CAPZA1: variants seen among roughly 807,000 people sequenced by gnomAD.
CAPZA1 encodes the protein capping actin protein of muscle Z-line subunit alpha 1, also known as F-actin-capping protein subunit alpha-1.
In CAPZA1, 10 loss-of-function variants were observed where a neutral mutation model predicts 40.8. That is an observed-to-expected ratio of 0.25 (90% CI 0.15 to 0.42). The LOEUF is 0.42. CAPZA1 is among the 10% of genes least tolerant of loss of function. The pLI, the probability that CAPZA1 is intolerant of heterozygous loss-of-function variation, is 1.00. For synonymous variants in CAPZA1, 98 were observed against 115.0 expected (o/e 0.85, Z 0.95); for missense variants, 277 against 353.8 (o/e 0.78, Z 1.74).
intron 1 of CAPZA1, among the ~76,000 whole-genome samples, chr1:112,644,646 C>T (rs1026439179): frequency 1.3e-5 from 2 of 151,974 alleles, no homozygotes; most frequent in Admixed American, 6.5e-5. Flanking sequence ...TTAGATATAC[C>T]ATGTTCTTCT....
intron 5 of CAPZA1, among the ~76,000 whole-genome samples, chr1:112,657,726 G>A (rs1237281834): frequency 2.6e-5 from 4 of 151,900 alleles, no homozygotes; most frequent in Admixed American, 2.6e-4. Context: ...CTAGTAGTTG[G>A]GATTACAGGT....
chr1:112,639,739 CT>C (rs933895973), intron 1 of CAPZA1, among the ~76,000 whole-genome samples: 3 of 151,866 alleles, frequency 2.0e-5, no homozygotes, highest in East Asian at 1.9e-4. Flanking sequence ...TGACATGCTC[CT>C]TTTTTTATTA....
chr1:112,644,850 A>G (rs1280083846), intron 1 of CAPZA1, among the ~76,000 whole-genome samples: 2 of 152,224 alleles, frequency 1.3e-5, no homozygotes, highest in African/African-American at 2.4e-5. Flanking sequence ...GGTATTGCCA[A>G]ATGCCAAATA....
intron 1 of CAPZA1, among the ~76,000 whole-genome samples, chr1:112,640,636 G>A (rs1671135433): frequency 6.6e-6 from 1 of 151,884 alleles, no homozygotes; most frequent in Non-Finnish European, 1.5e-5. Flanking sequence ...CGCCCCATCC[G>A]GGACGTGAGG....
chr1:112,634,952 T>C (rs1215674290), intron 1 of CAPZA1, among the ~76,000 whole-genome samples: 1 of 152,200 alleles, frequency 6.6e-6, no homozygotes, highest in Non-Finnish European at 1.5e-5. Flanking sequence ...GAACATTTCC[T>C]TTACATCTTC....
chr1:112,662,395 C>CTTTTTTTTTTTTTTTTTTTTTTTTTTTT (rs35100851), intron 7 of CAPZA1, among the ~76,000 whole-genome samples: 1 of 97,260 alleles, frequency 1.0e-5, no homozygotes, highest in Non-Finnish European at 1.9e-5. Context: ...TAGAATTTTT[C>CTTTTTTTTTTTTTTTTTTTTTTTTTTTT]TTTTTTTTTT....
intron 1 of CAPZA1, among the ~76,000 whole-genome samples, chr1:112,621,613 T>C (rs183307248): frequency 3.3e-5 from 5 of 152,188 alleles, no homozygotes; most frequent in African/African-American, 7.2e-5. Context: ...CTGATACACA[T>C]TGACCAGTGT....
At chr1:112,644,153 TG>T (rs201105047) in intron 1 of CAPZA1, among the ~76,000 whole-genome samples, 8 of 147,950 alleles carry the variant, frequency 5.4e-5, no homozygotes, top group East Asian at 2.0e-4. Flanking sequence ...CCCAAATTGC[TG>T]GGTTTTTTTT....
intron 1 of CAPZA1, among the ~76,000 whole-genome samples, chr1:112,631,811 G>A (rs775477499): frequency 1.1e-4 from 17 of 152,060 alleles, no homozygotes; most frequent in Non-Finnish European, 2.5e-4. Context: ...AACCTTGTGG[G>A]TATTTTTTTA....
At chr1:112,663,460 A>G (rs1174535630) in intron 7 of CAPZA1, among the ~76,000 whole-genome samples, 1 of 152,008 alleles carries the variant, frequency 6.6e-6, no homozygotes, top group East Asian at 1.9e-4. Flanking sequence ...TTTACATGTA[A>G]GTATTAGTGG....
chr1:112,660,891 T>C (rs1253886120), intron 7 of CAPZA1, among the ~76,000 whole-genome samples: 2 of 136,288 alleles, frequency 1.5e-5, no homozygotes, highest in African/African-American at 5.5e-5. Flanking sequence ...GGAGTCTCGC[T>C]CTGTCGCCCA....
chr1:112,650,037 T>C (rs1671352685), intron 3 of CAPZA1: 1 of 152,294 alleles, frequency 6.6e-6, no homozygotes, highest in Non-Finnish European at 1.5e-5. Context: ...AAACTTGCTG[T>C]AGCTTTCAAG....
chr1:112,650,510 C>T (rs891380363), intron 3 of CAPZA1, among the ~76,000 whole-genome samples: 3 of 152,192 alleles, frequency 2.0e-5, no homozygotes, highest in Admixed American at 2.0e-4. Flanking sequence ...AAAGGACATT[C>T]ATGATTTGCT....
chr1:112,659,122 T>G (rs1171800631), intron 6 of CAPZA1, 21 bp downstream of exon 6: 7 of 1,499,980 alleles, frequency 4.7e-6, no homozygotes, highest in Non-Finnish European at 6.5e-6. Context: ...GATATTCTCT[T>G]CTATTTACAT....
intron 1 of CAPZA1, among the ~76,000 whole-genome samples, chr1:112,625,562 A>G (rs1197994581): frequency 6.6e-6 from 1 of 152,250 alleles, no homozygotes; most frequent in East Asian, 1.9e-4. Context: ...AAGAGTGAAG[A>G]GGTACCTCGA....
chr1:112,623,681 CAAA>C (rs1190278316), intron 1 of CAPZA1, among the ~76,000 whole-genome samples: 3 of 87,746 alleles, frequency 3.4e-5, no homozygotes, highest in Admixed American at 1.2e-4. Context: ...AACTCCGTCT[CAAA>C]AAAAAAAAAA....
At chr1:112,663,811 G>A (rs764066055) in intron 7 of CAPZA1, among the ~76,000 whole-genome samples, 1 of 152,026 alleles carries the variant, frequency 6.6e-6, no homozygotes, top group African/African-American at 2.4e-5. Context: ...GTTCTCAGTA[G>A]ATTCTTATAT....
At chr1:112,656,892 C>G (rs1195916400) in intron 5 of CAPZA1, among the ~76,000 whole-genome samples, 1 of 151,326 alleles carries the variant, frequency 6.6e-6, no homozygotes, top group Non-Finnish European at 1.5e-5. Flanking sequence ...AGGATTGAAA[C>G]TGACAGAAAT....
chr1:112,655,634 C>T (rs1320072874), intron 5 of CAPZA1, among the ~76,000 whole-genome samples: 1 of 152,080 alleles, frequency 6.6e-6, no homozygotes, highest in Non-Finnish European at 1.5e-5. Context: ...ACCGTGTCAG[C>T]TCAATGTCAC....
Sources: gnomAD v4.1 joint callset for allele counts (sites outside exome capture counted in the v4.1 genomes callset) on GRCh38, gnomAD v4.1.1 for gene constraint, MANE v1.5 for transcripts, NCBI Gene and HGNC (gene_info 2026-07-23, HGNC 2026-07-21) for gene names.